TBCE: variants seen among roughly 807,000 people sequenced by gnomAD.
TBCE encodes tubulin-specific chaperone E.
In TBCE, 53 loss-of-function variants were observed where a neutral mutation model predicts 77.0. That is an observed-to-expected ratio of 0.69 (90% CI 0.55 to 0.87). The LOEUF is 0.87. TBCE is among the 40% of genes least tolerant of loss of function. TBCE has a pLI of 0.00. For missense variants in TBCE, 624 were observed against 622.4 expected (o/e 1.00, Z -0.03); for synonymous variants, 235 against 241.3 (o/e 0.97, Z 0.24).
rs375400214 is a variant in TBCE, at chr1:235,380,472, A to G, written c.100+323A>G. On this transcript the variant is annotated intron_variant, in intron 2 of 16. Transcript: ENST00000642610. The stretch of plus-strand genomic sequence containing the variant: ...TTGAAACCTCATAAACCTCAACTCA[A>G]GTAATTTTTTTGAAATTTCTTTTGT... 1.9e-4 allele frequency among the ~76,000 whole-genome samples: 29 copies of G among 152,270 alleles called. No individual in the cohort carries two copies. In the East Asian group the frequency reaches 5.0e-3, roughly 26 times the overall value.
At chr1:235,414,043 TG>T (rs1679969458) in intron 3 of TBCE, 3 of 276,644 alleles carry the variant, frequency 1.1e-5, no homozygotes, top group African/African-American at 4.6e-5. Flanking sequence ...TTAGTAGAGA[TG>T]GGGGTTTCGC....
intron 2 of TBCE, among the ~76,000 whole-genome samples, chr1:235,387,338 G>A (rs11584712): frequency 0.16 from 24,873 of 152,036 alleles, 2,821 homozygotes; most frequent in African/African-American, 0.32. Flanking sequence ...GCTGTCAGAC[G>A]GGGACATTTA....
At position 235,401,534 on chromosome 1, in the gene TBCE, C is replaced by G; in HGVS notation, c.132C>G (p.Pro44=). The change falls in exon 3 of 17, where the codon CCC becomes CCG. Residue 44 remains proline, a synonymous_variant. Coordinates refer to ENST00000642610, the MANE Select transcript of TBCE (RefSeq NM_003193.5). ...GPWLGVEWDN[P]ERGKHDGSHE... ...GGTTAGGAGTAGAATGGGACAATCCCGAGAGAGGAAAGCATGATGGGAGCC... is the reference window on the plus strand; with the variant it reads ...GGTTAGGAGTAGAATGGGACAATCCGGAGAGAGGAAAGCATGATGGGAGCC... The G allele has an allele frequency of 6.2e-7, 1 of 1,613,686 alleles. No individual in the cohort carries two copies. The highest frequency in any genetic ancestry group is 8.5e-7 in the Non-Finnish European group (1 of 1,179,832).
intron 15 of TBCE, among the ~76,000 whole-genome samples, chr1:235,446,539 T>TA: frequency 6.6e-6 from 1 of 152,210 alleles, no homozygotes; most frequent in South Asian, 2.1e-4. Flanking sequence ...ACCTCTCAAA[T>TA]TTTTAACACT....
At chr1:235,379,871 C>G (rs1226503456) in intron 1 of TBCE, 148 bp from the exon 2 acceptor site, 2 of 500,694 alleles carry the variant, frequency 4.0e-6, no homozygotes, top group Non-Finnish European at 3.6e-6. Context: ...ACCCTTGAGC[C>G]TGGAAGGTGG....
chr1:235,380,161 TTGTGTGTGTGTGTGTG>T lies in TBCE; in HGVS notation c.100+50_100+65del, dbSNP rs10524346. On this transcript the variant is annotated intron_variant, in intron 2 of 16. Coordinates refer to ENST00000642610, the MANE Select transcript of TBCE (RefSeq NM_003193.5). ...CCCTCCCGTGGCAGGTAAGCAATTA[TTGTGTGTGTGTGTGTG>T]TGTGTGTGTGTGTGTGTGTGTGTGT... 0.071 allele frequency: 79,761 copies of T among 1,130,276 alleles called. 1,213 individuals are homozygous for T. Among genetic ancestry groups the T allele is most frequent in the Middle Eastern group, 0.098 (464 of 4,722 alleles). The allele number at this position is 1,130,276 out of a possible 1,614,324, so 70.0% of individuals were successfully genotyped here. A position where few individuals can be genotyped will look rare whatever the true frequency, so the allele number is the denominator to read the frequency against.
chr1:235,429,465 G>A (rs900228342), intron 6 of TBCE: 1 of 152,138 alleles, frequency 6.6e-6, no homozygotes, highest in African/African-American at 2.4e-5. Flanking sequence ...TGGAAGGTTG[G>A]GGGAGGTGAT....
At chr1:235,424,690 G>GGAT (rs1558380191) in intron 5 of TBCE, among the ~76,000 whole-genome samples, 1 of 151,760 alleles carries the variant, frequency 6.6e-6, no homozygotes, top group Non-Finnish European at 1.5e-5. Flanking sequence ...TTTTTAGTAG[G>GGAT]GATGGGGTTT....
chr1:235,399,978 G>A (rs1368385255), intron 2 of TBCE, among the ~76,000 whole-genome samples: 1 of 152,180 alleles, frequency 6.6e-6, no homozygotes, highest in Non-Finnish European at 1.5e-5. Context: ...GCAGAGGAAA[G>A]ACATGGTTTG....
At chr1:235,393,453 G>A (rs1025524141) in intron 2 of TBCE, among the ~76,000 whole-genome samples, 2 of 152,084 alleles carry the variant, frequency 1.3e-5, no homozygotes, top group African/African-American at 4.8e-5. Flanking sequence ...CAGGAGAATC[G>A]CTTGAACCCA....
Position 235,401,549 on chromosome 1 carries a change from T to C in TBCE, c.147T>C (p.His49=), listed in dbSNP as rs764497359. The change falls in exon 3 of 17, where the codon CAT becomes CAC. Residue 49 remains histidine, a synonymous_variant. Coordinates refer to ENST00000642610, the MANE Select transcript of TBCE (RefSeq NM_003193.5). ...GGGACAATCCCGAGAGAGGAAAGCA[T>C]GATGGGAGCCACGAAGGGACTGTGT... ...VEWDNPERGK[H]DGSHEGTVYF... is the part of the protein sequence containing the mutation. 15 of 1,613,868 alleles carry C rather than the reference T, an allele frequency of 9.3e-6. No homozygotes were observed. The African/African-American group carries it at 1.7e-4, about 19-fold the overall frequency.
intron 2 of TBCE, among the ~76,000 whole-genome samples, chr1:235,385,365 C>A (rs552115211): frequency 2.0e-5 from 3 of 151,890 alleles, no homozygotes; most frequent in East Asian, 1.9e-4. Context: ...CAATTCCTGG[C>A]TATCCTTGTT....
At chr1:235,414,403 TTC>T (rs1679992318) in intron 3 of TBCE, 28 bp from the exon 4 acceptor site, 2 of 1,610,730 alleles carry the variant, frequency 1.2e-6, no homozygotes, top group Non-Finnish European at 1.7e-6. Context: ...GGGTAATATT[TTC>T]TGTGTTTCAT....
At position 235,381,381 on chromosome 1, in the gene TBCE, C is replaced by G. The variant is rs151301505; in HGVS notation, c.100+1232C>G. ...TTTCCAAGTTTTACTAAAGACAAGT[C>G]ATGGTAAGACTGATTTGCTTGGGCC... On this transcript the variant is annotated intron_variant, in intron 2 of 16. Coordinates refer to ENST00000642610, the MANE Select transcript of TBCE (RefSeq NM_003193.5). Among the ~76,000 whole-genome samples, 827 of 151,990 alleles carry G rather than the reference C, an allele frequency of 5.4e-3. 8 individuals are homozygous for G. The highest frequency in any genetic ancestry group is 0.019 in the African/African-American group (803 of 41,464).
chr1:235,439,121 G>A, intron 13 of TBCE, 199 bp downstream of exon 13: 1 of 652,244 alleles, frequency 1.5e-6, no homozygotes, highest in Non-Finnish European at 2.7e-6. Flanking sequence ...TCAGCAGGAG[G>A]AACCTGGGAG....
At chr1:235,438,730 G>A in intron 12 of TBCE, 39 bp from the exon 13 acceptor site, 1 of 1,614,052 alleles carries the variant, frequency 6.2e-7, no homozygotes, top group African/African-American at 1.3e-5. Flanking sequence ...TTAGAAAAAA[G>A]CTTTGTAATA....
intron 3 of TBCE, among the ~76,000 whole-genome samples, chr1:235,413,218 G>A (rs1679913616): frequency 6.6e-6 from 1 of 152,186 alleles, no homozygotes; most frequent in Non-Finnish European, 1.5e-5. Flanking sequence ...GTGTTAGCTG[G>A]ACATGGTTGC....
At position 235,443,087 on chromosome 1, in the gene TBCE, G is replaced by GC. The variant is rs112235573; in HGVS notation, c.1399+181dup. Reference sequence around the variant, plus strand: ...AATCATGCTAATATCACTCCCCCATGCCCCCAAAAGTTCAGGTCTCCCCTA... The same window carrying GC: ...AATCATGCTAATATCACTCCCCCATGCCCCCCAAAAGTTCAGGTCTCCCCTA... On this transcript the variant is annotated intron_variant, in intron 15 of 16. Coordinates refer to ENST00000642610, the MANE Select transcript of TBCE (RefSeq NM_003193.5). 16,041 of 661,996 alleles carry GC rather than the reference G, an allele frequency of 0.024. 593 individuals are homozygous for GC. Among genetic ancestry groups the GC allele is most frequent in the African/African-American group, 0.13 (7,118 of 54,454 alleles). 41.0% of individuals were successfully genotyped at this position (661,996 alleles called of 1,614,324 possible).
chr1:235,426,845 A>G (rs1428593717), intron 5 of TBCE, among the ~76,000 whole-genome samples: 4 of 152,166 alleles, frequency 2.6e-5, no homozygotes, highest in African/African-American at 7.2e-5. Context: ...GGGTTTTGCC[A>G]TGTGGGCCAG....
Sources: allele counts gnomAD v4.1 joint callset (sites outside exome capture counted in the v4.1 genomes callset), GRCh38; gene constraint gnomAD v4.1.1; transcripts MANE v1.5; gene names NCBI Gene and HGNC (gene_info 2026-07-23, HGNC 2026-07-21).